Variants in TENM2 observed in about 807,000 individuals in gnomAD.
TENM2 encodes the protein teneurin-2.
A neutral mutation model predicts 245.2 loss-of-function variants in TENM2; 52 were observed. The observed-to-expected ratio is 0.21, with a 90% CI of 0.17 to 0.27. TENM2 has a LOEUF of 0.27. TENM2 is among the 10% of genes least tolerant of loss of function. The pLI is 1.00. For missense variants in TENM2, 3,046 were observed against 3,666.8 expected, an observed-to-expected ratio of 0.83 and a Z score of 4.37; for synonymous variants, 1,363 against 1,438.9, an observed-to-expected ratio of 0.95 and a Z score of 1.19.
At chr5:167,796,164 C>T (rs1765301856) in intron 2 of TENM2, among the ~76,000 whole-genome samples, 2 of 152,188 alleles carry the variant, frequency 1.3e-5, no homozygotes, top group African/African-American at 4.8e-5. Context: ...CCTCTGGCAC[C>T]ATGGTGGCCT....
chr5:168,247,433 A>G lies in TENM2; in HGVS notation c.6494A>G (p.Tyr2165Cys), dbSNP rs1279248980. 3.7e-6 allele frequency: 6 copies of G among 1,613,894 alleles called. No homozygotes were observed. Among genetic ancestry groups the G allele is most frequent in the Non-Finnish European group, 4.2e-6 (5 of 1,179,828 alleles). The stretch of plus-strand genomic sequence containing the variant: ...CATGGGCGGATCAAGGAGGTCCAGT[A>G]TGAGATGTTCCGGTCCCTCATGTAC... The change falls in exon 27 of 29, where the codon TAT (tyrosine) becomes TGT (cysteine). Residue 2165 changes from tyrosine (Y) to cysteine (C), a missense_variant. This residue lies in a region of TENM2 where 2,704 missense variants were observed against 3,331.9 expected (regional missense o/e 0.81). Transcript: ENST00000518659. The surrounding 1 kb of genome is among the most constrained non-coding windows in gnomAD (Gnocchi z 7.8).
At chr5:167,246,181 A>T in the TENM2 span, among the ~76,000 whole-genome samples, 1 of 152,054 alleles carries the variant, frequency 6.6e-6, no homozygotes, top group Non-Finnish European at 1.5e-5. Context: ...CCCAAGTAAT[A>T]CTCTGCAGCT....
intron 9 of TENM2, among the ~76,000 whole-genome samples, chr5:168,106,748 G>A (rs1238782719): frequency 6.6e-6 from 1 of 152,146 alleles, no homozygotes; most frequent in African/African-American, 2.4e-5. Flanking sequence ...GGTAGAAAGT[G>A]GGAGAGCCAG....
At chr5:167,317,765 G>A (rs1756459779) in intron 1 of TENM2, among the ~76,000 whole-genome samples, 1 of 152,136 alleles carries the variant, frequency 6.6e-6, no homozygotes, top group African/African-American at 2.4e-5. Context: ...TCCCTAAAGT[G>A]CATTTGCTTT....
At chr5:167,682,145 C>CCTGCCTGT (rs1159219174) in intron 2 of TENM2, among the ~76,000 whole-genome samples, 1 of 139,588 alleles carries the variant, frequency 7.2e-6, no homozygotes, top group African/African-American at 2.6e-5. Flanking sequence ...TGCCTGCCTG[C>CCTGCCTGT]GTTCCTTCCT....
chr5:168,198,760 C>G, intron 15 of TENM2, 93 bp from the exon 18 acceptor site: 1 of 1,463,256 alleles, frequency 6.8e-7, no homozygotes, highest in South Asian at 1.3e-5. Context: ...CTGTGCTCTG[C>G]CCATCGCATG....
intron 2 of TENM2, among the ~76,000 whole-genome samples, chr5:167,831,043 G>A (rs1035374): frequency 0.14 from 21,971 of 152,078 alleles, 3,122 homozygotes; most frequent in East Asian, 0.67. Context: ...TTGTCAATAT[G>A]TGTACTTCTG....
At position 167,636,694 on chromosome 5, in the gene TENM2, G is replaced by C. The variant is rs111519496; in HGVS notation, c.503-239292G>C. Among the ~76,000 whole-genome samples, 501 of 152,306 alleles carry C rather than the reference G, an allele frequency of 3.3e-3. 3 individuals carry two copies. The highest frequency in any genetic ancestry group is 0.012 in the African/African-American group (479 of 41,554). On this transcript the variant is annotated intron_variant, in intron 2 of 28. Coordinates refer to ENST00000518659, the Ensembl canonical transcript of TENM2. ...GTCAGCTGTAGACTCATGCATAACA[G>C]TTGTGATTGCTGACTTACAGGGTAT...
At chr5:168,049,907 A>G (rs1788929689) in intron 6 of TENM2, among the ~76,000 whole-genome samples, 1 of 152,212 alleles carries the variant, frequency 6.6e-6, no homozygotes, top group Non-Finnish European at 1.5e-5. Flanking sequence ...GGTTCAAGCA[A>G]TTCTCCTGCC....
Position 167,940,803 on chromosome 5 carries a change from T to C in TENM2, c.713-11785T>C, listed in dbSNP as rs141142582. Among the ~76,000 whole-genome samples, 782 of 152,350 alleles carry C rather than the reference T, an allele frequency of 5.1e-3. 2 individuals carry two copies. The highest frequency in any genetic ancestry group is 0.01 in the Middle Eastern group (3 of 294). The stretch of plus-strand genomic sequence containing the variant: ...TTAAAATGCCTTTGTTCTTGCTTTT[T>C]CCTCTGCCTGAAACATTGTTCCCTC... On this transcript the variant is annotated intron_variant, in intron 3 of 28. Coordinates refer to ENST00000518659, the Ensembl canonical transcript of TENM2.
At chr5:167,676,827 C>T (rs1462848129) in intron 2 of TENM2, among the ~76,000 whole-genome samples, 3 of 152,240 alleles carry the variant, frequency 2.0e-5, no homozygotes, top group South Asian at 2.1e-4. Context: ...ACTTTCAAAA[C>T]GCCCTTGAAA....
intron 6 of TENM2, among the ~76,000 whole-genome samples, chr5:168,054,533 C>A (rs1042816062): frequency 1.3e-5 from 2 of 152,188 alleles, no homozygotes; most frequent in Non-Finnish European, 2.9e-5. Context: ...TGCTGAGGTG[C>A]CTCCAGAGTT....
chr5:168,106,508 CA>C (rs1794256658), intron 9 of TENM2, among the ~76,000 whole-genome samples: 1 of 152,134 alleles, frequency 6.6e-6, no homozygotes, highest in Non-Finnish European at 1.5e-5. Context: ...ATGAGGCACA[CA>C]GAGTTTAAGT....
At chr5:167,461,921 T>G (rs1223488914) in intron 2 of TENM2, among the ~76,000 whole-genome samples, 1 of 152,190 alleles carries the variant, frequency 6.6e-6, no homozygotes, top group East Asian at 1.9e-4. Flanking sequence ...GATACTAATT[T>G]AATCTCAACA....
At chr5:167,096,225 C>A in the TENM2 span, among the ~76,000 whole-genome samples, 2 of 152,342 alleles carry the variant, frequency 1.3e-5, no homozygotes, top group South Asian at 2.1e-4. Flanking sequence ...GCTGATACTA[C>A]ATCTATCACC....
chr5:167,389,065 A>G (rs1761606975), intron 2 of TENM2, among the ~76,000 whole-genome samples: 1 of 152,004 alleles, frequency 6.6e-6, no homozygotes. Flanking sequence ...TCCTAATGCT[A>G]CCAGTTTTTC....
chr5:167,299,775 A>C (rs920320264), intron 1 of TENM2, among the ~76,000 whole-genome samples: 2 of 152,130 alleles, frequency 1.3e-5, no homozygotes, highest in Non-Finnish European at 2.9e-5. Flanking sequence ...CATGAGGGTC[A>C]GGTGTGGTAT....
At chr5:167,197,450 A>G in the TENM2 span, among the ~76,000 whole-genome samples, 9 of 152,054 alleles carry the variant, frequency 5.9e-5, no homozygotes, top group Admixed American at 5.9e-4. Flanking sequence ...CAGTCTTTGG[A>G]GGATACAGAA....
chr5:167,613,853 G>A (rs1422255590), intron 2 of TENM2, among the ~76,000 whole-genome samples: 1 of 152,136 alleles, frequency 6.6e-6, no homozygotes, highest in African/African-American at 2.4e-5. Flanking sequence ...AAATGCAACG[G>A]TGGAAGAAAT....
Sources: allele counts gnomAD v4.1 joint callset (sites outside exome capture counted in the v4.1 genomes callset), GRCh38; gene constraint gnomAD v4.1.1; regional missense constraint gnomAD v4.1.1; non-coding constraint Gnocchi (gnomAD v3.1); transcripts MANE v1.5; gene names NCBI Gene and HGNC (gene_info 2026-07-23, HGNC 2026-07-21).